The following RBFOX1 variants were observed in gnomAD, a reference collection of about 807,000 sequenced individuals.
RBFOX1 encodes RNA binding fox-1 homolog 1.
RBFOX1 carries 8 observed loss-of-function variants against 57.7 expected under a neutral mutation model. The ratio of observed to expected loss-of-function variants is 0.14; its 90% confidence interval spans 0.08 to 0.25. The LOEUF (loss-of-function observed/expected upper bound fraction) is 0.25, where lower values mean the gene tolerates loss of function less well. Ranked by LOEUF, RBFOX1 falls within the 10% of genes least tolerant of loss-of-function variation. The pLI is 1.00. For synonymous variants in RBFOX1, 326 were observed against 222.4 expected, an observed-to-expected ratio of 1.47 and a Z score of -4.15; for missense variants, 611 against 548.5, an observed-to-expected ratio of 1.11 and a Z score of -1.14.
At chr16:6,766,107 C>G (rs74684057) in intron 3 of RBFOX1, among the ~76,000 whole-genome samples, 1 of 151,588 alleles carries the variant, frequency 6.6e-6, no homozygotes, top group Admixed American at 6.6e-5. Flanking sequence ...CAAAACTAAC[C>G]TGTAACCCTA....
At chr16:7,195,669 C>T (rs1188028924) in intron 4 of RBFOX1, among the ~76,000 whole-genome samples, 5 of 152,162 alleles carry the variant, frequency 3.3e-5, no homozygotes, top group African/African-American at 1.2e-4. Context: ...GCGATAGCCT[C>T]AGCCTCCCGA....
intron 2 of RBFOX1, among the ~76,000 whole-genome samples, chr16:5,594,036 T>A (rs1306263114): frequency 6.6e-6 from 1 of 152,024 alleles, no homozygotes. Context: ...TGGTCAGCCA[T>A]GGCCTTGGCT....
rs185979426 is a variant in RBFOX1 at position 5,802,571 on chromosome 16, A to C, written c.319-64732A>C. On this transcript the variant is annotated intron_variant, in intron 3 of 19. Transcript: ENST00000641259. ...AACTGCTTGTTAACCTACGGGGAGA[A>C]AGTTTTCAGATCTTTCTCTTGAAGA... 1.3e-5 allele frequency among the ~76,000 whole-genome samples: 2 copies of C among 152,226 alleles called. 1 individual carries two copies. Among genetic ancestry groups the C allele is most frequent in the Admixed American group, 1.3e-4 (2 of 15,294 alleles).
At chr16:5,343,691 A>C (rs2065082165) in intron 1 of RBFOX1, among the ~76,000 whole-genome samples, 2 of 152,316 alleles carry the variant, frequency 1.3e-5, no homozygotes, top group East Asian at 3.9e-4. Context: ...TATGGGTGCC[A>C]GTTCTTCAAA....
chr16:6,252,750 C>T (rs941050989), intron 1 of RBFOX1, among the ~76,000 whole-genome samples: 3 of 152,152 alleles, frequency 2.0e-5, no homozygotes, highest in Admixed American at 6.6e-5. Context: ...TAGCATGGAG[C>T]AGCAGATGAG....
chr16:6,068,858 C>T (rs983324611), intron 1 of RBFOX1, among the ~76,000 whole-genome samples: 4 of 152,150 alleles, frequency 2.6e-5, no homozygotes, highest in Admixed American at 2.0e-4. Flanking sequence ...GAATAAACTC[C>T]CTTGTCTCCC....
chr16:7,090,677 C>A (rs1171861579), intron 4 of RBFOX1, among the ~76,000 whole-genome samples: 1 of 150,840 alleles, frequency 6.6e-6, no homozygotes, highest in African/African-American at 2.5e-5. Context: ...GGTTGCTGTA[C>A]AGGGGAAAGA....
At chr16:5,699,269 A>C (rs1375140182) in intron 3 of RBFOX1, among the ~76,000 whole-genome samples, 1 of 152,022 alleles carries the variant, frequency 6.6e-6, no homozygotes, top group East Asian at 1.9e-4. Context: ...TTTTCTATGC[A>C]GTTATATCAC....
intron 3 of RBFOX1, among the ~76,000 whole-genome samples, chr16:7,001,531 G>A (rs12597338): frequency 0.21 from 31,668 of 151,654 alleles, 3,674 homozygotes; most frequent in Middle Eastern, 0.33. Context: ...ATCTCAACTC[G>A]TTGCAACCTC....
At chr16:6,458,052 T>C (rs555845286) in intron 2 of RBFOX1, among the ~76,000 whole-genome samples, 2 of 152,094 alleles carry the variant, frequency 1.3e-5, no homozygotes, top group South Asian at 4.2e-4. Context: ...CTTTGTAGCA[T>C]GTTTTTAAAT....
At chr16:6,429,354 G>T (rs979095571) in intron 2 of RBFOX1, among the ~76,000 whole-genome samples, 3 of 152,182 alleles carry the variant, frequency 2.0e-5, no homozygotes, top group African/African-American at 7.2e-5. Flanking sequence ...GACCCTAGGG[G>T]CTAGCCCCTT....
At position 7,110,488 on chromosome 16, in the gene RBFOX1, A is replaced by G. The variant is rs571220941; in HGVS notation, c.27+58390A>G. ...GCCAATTAACACAGGGCTCCGGCTT[A>G]AGGAGAGCCTGAGCACAGTAGTTGC... On this transcript the variant is annotated intron_variant, in intron 4 of 15. Transcript: ENST00000550418. Among the ~76,000 whole-genome samples, 7 of 152,330 alleles carry G rather than the reference A, an allele frequency of 4.6e-5. No individual in the cohort carries two copies. In the South Asian group the frequency reaches 1.4e-3, roughly 32 times the overall value.
chr16:5,949,609 T>C (rs1329287768), intron 4 of RBFOX1, among the ~76,000 whole-genome samples: 4 of 152,118 alleles, frequency 2.6e-5, no homozygotes, highest in Admixed American at 2.0e-4. Context: ...CTCGAGTCTT[T>C]TGTGTTGTAG....
At chr16:7,394,235 C>CAAAAAAAAAAAAAAAAAAAAAAAAAAAA (rs59934126) in intron 4 of RBFOX1, among the ~76,000 whole-genome samples, 1 of 55,024 alleles carries the variant, frequency 1.8e-5, no homozygotes, top group Non-Finnish European at 3.0e-5. Context: ...GACTCCGCAT[C>CAAAAAAAAAAAAAAAAAAAAAAAAAAAA]AAAAAAAAAA....
chr16:7,667,728 T>C (rs2069865249), intron 13 of RBFOX1, among the ~76,000 whole-genome samples: 1 of 152,172 alleles, frequency 6.6e-6, no homozygotes, highest in Non-Finnish European at 1.5e-5. Context: ...TCGCCCAGGC[T>C]GGAGTGCGGT....
chr16:6,775,150 C>A (rs796684962), intron 3 of RBFOX1, among the ~76,000 whole-genome samples: 47 of 149,128 alleles, frequency 3.2e-4, no homozygotes, highest in African/African-American at 1.1e-3. Context: ...ATGGTGAAAC[C>A]CCGTCTCTAC....
At chr16:6,683,508 A>G (rs2058976278) in intron 3 of RBFOX1, among the ~76,000 whole-genome samples, 1 of 152,220 alleles carries the variant, frequency 6.6e-6, no homozygotes, top group African/African-American at 2.4e-5. Flanking sequence ...CTATATATAA[A>G]CAAAACTATA....
chr16:7,321,123 A>ACATATACATATACATATG (rs2096538853), intron 4 of RBFOX1, among the ~76,000 whole-genome samples: 1 of 134,804 alleles, frequency 7.4e-6, no homozygotes, highest in Non-Finnish European at 1.7e-5. Flanking sequence ...ATATACATAT[A>ACATATACATATACATATG]CATATACTTA....
chr16:7,033,669 G>T (rs1474843051), intron 3 of RBFOX1, among the ~76,000 whole-genome samples: 1 of 152,172 alleles, frequency 6.6e-6, no homozygotes, highest in African/African-American at 2.4e-5. Context: ...AAGGGAGGCT[G>T]GGATGGGGCT....
Sources: allele counts gnomAD v4.1 joint callset (sites outside exome capture counted in the v4.1 genomes callset), GRCh38; gene constraint gnomAD v4.1.1; transcripts MANE v1.5; gene names NCBI Gene and HGNC (gene_info 2026-07-23, HGNC 2026-07-21).